Variants in CCDC85A observed in about 807,000 individuals in gnomAD.
The protein encoded by CCDC85A is coiled-coil domain-containing protein 85A.
Under a neutral mutation model 50.2 loss-of-function variants are expected in CCDC85A, and 38 were observed. That is an observed-to-expected ratio of 0.76 (90% CI 0.58 to 0.99). The LOEUF (loss-of-function observed/expected upper bound fraction) is 0.99. CCDC85A is among the 50% of genes least tolerant of loss of function. CCDC85A has a pLI of 0.00. For synonymous variants in CCDC85A, 366 were observed against 301.4 expected (o/e 1.21, Z -2.22); for missense variants, 820 against 742.0 (o/e 1.11, Z -1.22).
At chr2:56,350,607 G>C (rs1573316841) in intron 3 of CCDC85A, among the ~76,000 whole-genome samples, 2 of 151,990 alleles carry the variant, frequency 1.3e-5, no homozygotes, top group South Asian at 4.1e-4. Flanking sequence ...TTGGCCTCTG[G>C]GAAGCTTGTA....
chr2:56,365,743 C>T lies in CCDC85A; in HGVS notation c.1318-6601C>T, dbSNP rs190567161. 7.2e-5 allele frequency among the ~76,000 whole-genome samples: 11 copies of T among 152,256 alleles called. No individual in the cohort carries two copies. The East Asian group carries it at 1.5e-3, about 21-fold the overall frequency. ...CAGCTAATTAACATATACATCAGTT[C>T]GCATAGTTATCATTTTTGGGTGAGA... On this transcript the variant is annotated intron_variant, in intron 3 of 5. Transcript: ENST00000407595.
chr2:56,244,290 C>T (rs537628651), intron 2 of CCDC85A, among the ~76,000 whole-genome samples: 1 of 152,248 alleles, frequency 6.6e-6, no homozygotes, highest in Non-Finnish European at 1.5e-5. Context: ...GACAAAGTTT[C>T]TGCCACTCTT....
At chr2:56,185,334 G>A (rs1409778445) in intron 1 of CCDC85A, among the ~76,000 whole-genome samples, 2 of 152,188 alleles carry the variant, frequency 1.3e-5, no homozygotes, top group African/African-American at 2.4e-5. Flanking sequence ...TCTTGGGCGG[G>A]CAGAGGGCGA....
chr2:56,317,332 G>A (rs1250097774), intron 2 of CCDC85A, among the ~76,000 whole-genome samples: 1 of 151,994 alleles, frequency 6.6e-6, no homozygotes, highest in Non-Finnish European at 1.5e-5. Context: ...TCCATATTAA[G>A]GAACACGCTC....
At chr2:56,317,800 C>T (rs1400808982) in intron 2 of CCDC85A, among the ~76,000 whole-genome samples, 1 of 152,000 alleles carries the variant, frequency 6.6e-6, no homozygotes, top group Non-Finnish European at 1.5e-5. Flanking sequence ...TATGTAATCT[C>T]CAGTTCCCAT....
At chr2:56,274,115 C>G (rs1670818947) in intron 2 of CCDC85A, among the ~76,000 whole-genome samples, 1 of 152,088 alleles carries the variant, frequency 6.6e-6, no homozygotes, top group African/African-American at 2.4e-5. Flanking sequence ...TAAAACTACC[C>G]AACCCTTGTA....
chr2:56,372,370 A>G lies in CCDC85A; in HGVS notation c.1344A>G (p.Pro448=). The G allele has an allele frequency of 6.3e-7, 1 of 1,589,094 alleles. No individual in the cohort carries two copies. Among genetic ancestry groups the G allele is most frequent in the Non-Finnish European group, 8.6e-7 (1 of 1,167,214 alleles). The change falls in exon 4 of 6, where the codon CCA becomes CCG. Residue 448 remains proline, a synonymous_variant. Coordinates refer to ENST00000407595, the MANE Select transcript of CCDC85A (RefSeq NM_001080433.2). The part of the protein sequence containing the change: ...PQASQNRRQP[P]TRNSSNMEKG... The stretch of plus-strand genomic sequence containing the variant: ...CCAGCCAGAATAGAAGGCAACCTCC[A>G]ACTAGAAACAGCTCAAATATGGAGA...
chr2:56,224,608 G>T (rs1668466957), intron 2 of CCDC85A, among the ~76,000 whole-genome samples: 1 of 152,032 alleles, frequency 6.6e-6, no homozygotes, highest in South Asian at 2.1e-4. Flanking sequence ...CCACATCCTT[G>T]CCAATAGTTG....
intron 2 of CCDC85A, among the ~76,000 whole-genome samples, chr2:56,264,213 C>T (rs1048876524): frequency 6.6e-6 from 1 of 152,090 alleles, no homozygotes; most frequent in East Asian, 1.9e-4. Context: ...TTATCTCCAG[C>T]TTGAACTTTC....
At chr2:56,207,016 A>G (rs1311099160) in intron 2 of CCDC85A, among the ~76,000 whole-genome samples, 2 of 152,172 alleles carry the variant, frequency 1.3e-5, no homozygotes, top group African/African-American at 4.8e-5. Flanking sequence ...AAATATTCTA[A>G]ATATTCTGCT....
At chr2:56,190,255 AG>A (rs1287403504) in intron 1 of CCDC85A, among the ~76,000 whole-genome samples, 4 of 152,206 alleles carry the variant, frequency 2.6e-5, no homozygotes, top group African/African-American at 9.7e-5. Flanking sequence ...CTTAGGTAGC[AG>A]CCCTGTAGCT....
In CCDC85A at chr2:56,352,535, G is replaced by A. The variant is rs746362582; in HGVS notation, c.1317+9580G>A. The stretch of plus-strand genomic sequence containing the variant: ...TAATTTTTGCATTTTTAATAGAGAC[G>A]GGGTCCCACCATGTTGGCCAGGGTG... On this transcript the variant is annotated intron_variant, in intron 3 of 5. Transcript: ENST00000407595. Among the ~76,000 whole-genome samples the A allele has an allele frequency of 1.4e-4, 22 of 152,056 alleles. No individual in the cohort carries two copies. The South Asian group carries it at 2.1e-3, about 14-fold the overall frequency.
At chr2:56,223,330 C>T (rs1270832512) in intron 2 of CCDC85A, among the ~76,000 whole-genome samples, 1 of 152,138 alleles carries the variant, frequency 6.6e-6, no homozygotes, top group African/African-American at 2.4e-5. Context: ...CACAACTCTT[C>T]AACTCTGCAC....
At position 56,214,081 on chromosome 2, in the gene CCDC85A, G is replaced by A. The variant is rs146185375; in HGVS notation, c.1240+20641G>A. Among the ~76,000 whole-genome samples, 689 of 151,852 alleles carry A rather than the reference G, an allele frequency of 4.5e-3. 10 individuals carry two copies. Among genetic ancestry groups the A allele is most frequent in the South Asian group, 0.031 (151 of 4,808 alleles). ...ACATTTTACTGAGACAAGACTACAC[G>A]GATAAGTACAGCCTTCTAAGGAAAA... On this transcript the variant is annotated intron_variant, in intron 2 of 5. Coordinates refer to ENST00000407595, the MANE Select transcript of CCDC85A (RefSeq NM_001080433.2).
chr2:56,213,209 GGATCACC>G (rs1256017765), intron 2 of CCDC85A, among the ~76,000 whole-genome samples: 1 of 151,878 alleles, frequency 6.6e-6, no homozygotes, highest in Non-Finnish European at 1.5e-5. Flanking sequence ...GCTTTCAAAT[GGATCACC>G]TTGGTCACTA....
At chr2:56,297,133 T>C (rs1306493788) in intron 2 of CCDC85A, among the ~76,000 whole-genome samples, 1 of 152,106 alleles carries the variant, frequency 6.6e-6, no homozygotes, top group African/African-American at 2.4e-5. Context: ...TACTTATTCG[T>C]TGAGAGGTGG....
intron 3 of CCDC85A, 57 bp downstream of exon 3, chr2:56,343,012 AT>A: frequency 8.3e-7 from 1 of 1,211,880 alleles, no homozygotes; most frequent in Admixed American, 2.2e-5. Context: ...GTAGTATTTT[AT>A]TTGGAATTTA....
chr2:56,183,887 G>T, upstream of CCDC85A: 13 of 985,396 alleles, frequency 1.3e-5, no homozygotes, highest in South Asian at 4.7e-5. Context: ...GGCCCGGGCA[G>T]CGGTCGAGTG....
At chr2:56,329,089 C>T (rs989254694) in intron 2 of CCDC85A, among the ~76,000 whole-genome samples, 13 of 152,184 alleles carry the variant, frequency 8.5e-5, no homozygotes, top group Admixed American at 2.6e-4. Context: ...ACTGCATCCT[C>T]CCTGTCTTCT....
Sources: gnomAD v4.1 joint callset for allele counts (sites outside exome capture counted in the v4.1 genomes callset) on GRCh38, gnomAD v4.1.1 for gene constraint, MANE v1.5 for transcripts, NCBI Gene and HGNC (gene_info 2026-07-23, HGNC 2026-07-21) for gene names.